The following FRS2 variants were observed in gnomAD, a reference collection of about 807,000 sequenced individuals.
FRS2 encodes the protein fibroblast growth factor receptor substrate 2.
In FRS2, 8 loss-of-function variants were observed where a neutral mutation model predicts 43.9. That is an observed-to-expected ratio of 0.18 (90% CI 0.11 to 0.33). FRS2 has a LOEUF of 0.33. FRS2 is among the 10% of genes least tolerant of loss of function. FRS2 has a pLI of 1.00. For missense variants in FRS2, 534 were observed against 627.6 expected (o/e 0.85, Z 1.59); for synonymous variants, 219 against 220.3 (o/e 0.99, Z 0.05).
At chr12:69,512,943 A>G (rs1874597176) in intron 1 of FRS2, among the ~76,000 whole-genome samples, 1 of 152,180 alleles carries the variant, frequency 6.6e-6, no homozygotes, top group Admixed American at 6.5e-5. Flanking sequence ...ACTTCATTTC[A>G]GTTAACTTTA....
chr12:69,513,525 T>C (rs1301575002), intron 1 of FRS2, among the ~76,000 whole-genome samples: 4 of 152,128 alleles, frequency 2.6e-5, no homozygotes, highest in African/African-American at 9.7e-5. Flanking sequence ...AACTGTAAAA[T>C]AGACCTGCAG....
chr12:69,526,335 T>G (rs1876223950), intron 1 of FRS2, among the ~76,000 whole-genome samples: 1 of 152,236 alleles, frequency 6.6e-6, no homozygotes, highest in Non-Finnish European at 1.5e-5. Flanking sequence ...TAATGTGTCC[T>G]GAGAAGGAAT....
chr12:69,481,539 G>A (rs772744601), intron 1 of FRS2, among the ~76,000 whole-genome samples: 12 of 151,730 alleles, frequency 7.9e-5, no homozygotes, highest in Admixed American at 2.0e-4. Flanking sequence ...ATCCTGTCTC[G>A]GCCTCCCAAA....
chr12:69,522,937 G>A (rs961205786), intron 1 of FRS2, among the ~76,000 whole-genome samples: 2 of 152,186 alleles, frequency 1.3e-5, no homozygotes, highest in Non-Finnish European at 2.9e-5. Context: ...TTATGTTGTG[G>A]TGCAGAAAGG....
chr12:69,547,238 G>A (rs1047800522), intron 3 of FRS2, among the ~76,000 whole-genome samples: 10 of 152,162 alleles, frequency 6.6e-5, no homozygotes, highest in African/African-American at 2.4e-4. Context: ...AACGGCCGTG[G>A]AGTTTCAGTT....
In FRS2 at chr12:69,543,964, C is replaced by T. The variant is rs143532829; in HGVS notation, c.-122+11908C>T. Among the ~76,000 whole-genome samples, 436 of 151,296 alleles carry T rather than the reference C, an allele frequency of 2.9e-3. 4 individuals carry two copies. The highest frequency in any genetic ancestry group is 9.5e-3 in the African/African-American group (393 of 41,172). Reference sequence around the variant, plus strand: ...TTATTCTCAGAGGAATAGGGGGAGCCATTGCAGGCCTTTGTCAGGATAAAT... The same window carrying T: ...TTATTCTCAGAGGAATAGGGGGAGCTATTGCAGGCCTTTGTCAGGATAAAT... On this transcript the variant is annotated intron_variant, in intron 3 of 8. Coordinates refer to ENST00000549921, the MANE Select transcript of FRS2 (RefSeq NM_001278356.2).
At chr12:69,520,847 C>T (rs1475939738) in intron 1 of FRS2, among the ~76,000 whole-genome samples, 1 of 152,054 alleles carries the variant, frequency 6.6e-6, no homozygotes, top group Non-Finnish European at 1.5e-5. Flanking sequence ...AGTCAGGTAG[C>T]ATGATGGCTC....
At chr12:69,478,236 A>T (rs909047019) in intron 1 of FRS2, among the ~76,000 whole-genome samples, 2 of 152,062 alleles carry the variant, frequency 1.3e-5, no homozygotes, top group African/African-American at 4.8e-5. Flanking sequence ...TCTATTTAAG[A>T]TTTTAAAATT....
At chr12:69,513,110 T>A (rs1874619171) in intron 1 of FRS2, among the ~76,000 whole-genome samples, 1 of 149,050 alleles carries the variant, frequency 6.7e-6, no homozygotes, top group African/African-American at 2.5e-5. Context: ...ATTCTGTGAC[T>A]TCTCCTCCCG....
intron 1 of FRS2, among the ~76,000 whole-genome samples, chr12:69,480,677 C>T (rs925684448): frequency 1.3e-5 from 2 of 152,150 alleles, no homozygotes; most frequent in Admixed American, 6.6e-5. Flanking sequence ...TGTTTCTAGA[C>T]ATTTTATTCA....
In FRS2 at chr12:69,574,010, T is replaced by C. The variant is rs777754599; in HGVS notation, c.582T>C (p.His194=). 5 of 1,600,022 alleles carry C rather than the reference T, an allele frequency of 3.1e-6. No individual in the cohort carries two copies. The African/African-American group carries it at 6.7e-5, about 22-fold the overall frequency. Residue 194 remains histidine, a synonymous_variant, in exon 9 of 9, where the codon CAT becomes CAC. Coordinates refer to ENST00000549921, the MANE Select transcript of FRS2 (RefSeq NM_001278356.2). ...HPLLVAEEQV[H]TYVNTTGVQE... ...CACTTTCTGTTTTGTTTTAGGTACA[T>C]ACCTATGTCAACACTACAGGTGTGC...
At chr12:69,495,415 G>A (rs1270503013) in intron 1 of FRS2, among the ~76,000 whole-genome samples, 1 of 152,088 alleles carries the variant, frequency 6.6e-6, no homozygotes, top group Non-Finnish European at 1.5e-5. Flanking sequence ...GCTAGTCTTG[G>A]CTTATTTACC....
chr12:69,568,402 A>G (rs1384683060), intron 4 of FRS2, among the ~76,000 whole-genome samples: 1 of 152,174 alleles, frequency 6.6e-6, no homozygotes, highest in African/African-American at 2.4e-5. Context: ...TTTTTTATTT[A>G]AAGAACAAGC....
In FRS2 at chr12:69,578,397, T is replaced by C. The variant is rs1881333379; in HGVS notation, c.*3442T>C. Reference sequence around the variant, plus strand: ...TTACAGAATGTAAAGAAAATGTTTTTGGCTTGAAAAATTAACATATTTTAT... The same window carrying C: ...TTACAGAATGTAAAGAAAATGTTTTCGGCTTGAAAAATTAACATATTTTAT... On this transcript the variant is annotated 3_prime_UTR_variant, in exon 9 of 9. Transcript: ENST00000549921. The C allele has an allele frequency of 6.6e-6, 1 of 152,646 alleles. No homozygotes were observed. The highest frequency in any genetic ancestry group is 2.4e-5 in the African/African-American group (1 of 41,476). 9.5% of individuals were successfully genotyped at this position (152,646 alleles called of 1,614,324 possible).
At chr12:69,546,930 A>G (rs893333023) in intron 3 of FRS2, among the ~76,000 whole-genome samples, 3 of 152,198 alleles carry the variant, frequency 2.0e-5, no homozygotes, top group Non-Finnish European at 4.4e-5. Context: ...ACCCATATCT[A>G]TTTGTACAAA....
At chr12:69,508,478 C>T (rs940950321) in intron 1 of FRS2, among the ~76,000 whole-genome samples, 1 of 151,970 alleles carries the variant, frequency 6.6e-6, no homozygotes. Flanking sequence ...TACTGGAAGT[C>T]CTAAGAATTA....
chr12:69,568,173 G>A (rs545928824), intron 4 of FRS2, among the ~76,000 whole-genome samples: 10 of 152,188 alleles, frequency 6.6e-5, no homozygotes, highest in Non-Finnish European at 1.5e-4. Flanking sequence ...TGGGAAAGGA[G>A]TATTAAATAG....
intron 1 of FRS2, among the ~76,000 whole-genome samples, chr12:69,516,295 A>T (rs1239454930): frequency 6.6e-6 from 1 of 150,996 alleles, no homozygotes; most frequent in African/African-American, 2.4e-5. Flanking sequence ...CTCGGCTCAC[A>T]GCAACCTCCG....
At chr12:69,530,283 T>A (rs907945099) in intron 1 of FRS2, among the ~76,000 whole-genome samples, 1 of 151,922 alleles carries the variant, frequency 6.6e-6, no homozygotes, top group East Asian at 1.9e-4. Context: ...TTTTTTTTTT[T>A]TTCCAGTCTG....
Sources: gnomAD v4.1 joint callset for allele counts (sites outside exome capture counted in the v4.1 genomes callset) on GRCh38, gnomAD v4.1.1 for gene constraint, MANE v1.5 for transcripts, NCBI Gene and HGNC (gene_info 2026-07-23, HGNC 2026-07-21) for gene names.